CDCA2: variants seen among roughly 807,000 people sequenced by gnomAD.
CDCA2 encodes the protein cell division cycle-associated protein 2.
A neutral mutation model predicts 67.0 loss-of-function variants in CDCA2; 44 were observed. That is an observed-to-expected ratio of 0.66 (90% CI 0.52 to 0.84). The LOEUF (loss-of-function observed/expected upper bound fraction) is 0.84. Among genes scored for constraint, CDCA2 ranks in the 40% least tolerant of loss-of-function variants. The probability of loss-of-function intolerance (pLI) is 0.00; values close to 1 mark genes in which losing one functional copy is unlikely to be tolerated. For missense variants in CDCA2, 1,253 were observed against 1,203.2 expected (o/e 1.04, Z -0.61); for synonymous variants, 447 against 418.7 (o/e 1.07, Z -0.82).
intron 12 of CDCA2, among the ~76,000 whole-genome samples, chr8:25,487,551 C>T (rs1288631361): frequency 1.3e-5 from 2 of 152,062 alleles, no homozygotes; most frequent in Admixed American, 1.3e-4. Flanking sequence ...ACCATTCTGG[C>T]TAACACGGTA....
At chr8:25,468,767 A>G (rs903003339) in intron 6 of CDCA2, among the ~76,000 whole-genome samples, 2 of 152,022 alleles carry the variant, frequency 1.3e-5, no homozygotes, top group Admixed American at 1.3e-4. Flanking sequence ...TATTTTTTCT[A>G]CTGGGGAGCA....
At chr8:25,472,792 T>C (rs1803209542) in intron 7 of CDCA2, among the ~76,000 whole-genome samples, 1 of 152,206 alleles carries the variant, frequency 6.6e-6, no homozygotes. Context: ...ATTTATACAA[T>C]GTGGCATTAT....
At chr8:25,483,345 GACGTC>G in intron 8 of CDCA2, 49 bp from the exon 9 acceptor site, 9 of 1,154,666 alleles carry the variant, frequency 7.8e-6, no homozygotes, top group Non-Finnish European at 1.1e-5. Context: ...TCTTAATGAT[GACGTC>G]TATGTATTTC....
intron 5 of CDCA2, among the ~76,000 whole-genome samples, chr8:25,467,973 C>A (rs1802981938): frequency 6.6e-6 from 1 of 151,658 alleles, no homozygotes; most frequent in Non-Finnish European, 1.5e-5. Flanking sequence ...CGAAGATTAG[C>A]CAGGCATGGT....
intron 7 of CDCA2, among the ~76,000 whole-genome samples, chr8:25,473,750 A>G (rs1180289861): frequency 1.3e-5 from 2 of 152,162 alleles, no homozygotes; most frequent in African/African-American, 4.8e-5. Flanking sequence ...AAGCCAGACT[A>G]TTTCTGATAC....
intron 7 of CDCA2, among the ~76,000 whole-genome samples, chr8:25,477,208 A>G (rs910513768): frequency 2.6e-5 from 4 of 152,164 alleles, no homozygotes; most frequent in Non-Finnish European, 4.4e-5. Context: ...TAGCAGCACT[A>G]TGGACGGATA....
intron 13 of CDCA2, among the ~76,000 whole-genome samples, chr8:25,498,948 AC>A (rs1237391366): frequency 6.6e-6 from 1 of 152,106 alleles, no homozygotes; most frequent in Non-Finnish European, 1.5e-5. Context: ...AGAACCTTTA[AC>A]TCTTCAAGAC....
In CDCA2 at chr8:25,507,061, G is replaced by A. The variant is rs1804710813; in HGVS notation, c.2395G>A (p.Glu799Lys). The change falls in exon 15 of 15, where the codon GAA becomes AAA. Residue 799 changes from glutamate (E) to lysine (K), a missense_variant. Coordinates refer to ENST00000330560, the MANE Select transcript of CDCA2 (RefSeq NM_152562.4). ...DCHCLGDVLI[E>K]NTKESKSQSE... ...TCATTGTTTAGGAGATGTCTTAATT[G>A]AAAATACGAAAGAATCTAAAAGCCA... 1 of 1,613,792 alleles carries A rather than the reference G, an allele frequency of 6.2e-7. No homozygotes were observed. The highest frequency in any genetic ancestry group is 1.3e-5 in the African/African-American group (1 of 74,874).
rs71214578 is a variant in CDCA2 at position 25,498,463 on chromosome 8, C to CCCCA, written c.1672-4910_1672-4909insCCCA. Among the ~76,000 whole-genome samples the CCCCA allele has an allele frequency of 2.4e-5, 3 of 125,752 alleles. 1 individual carries two copies. The East Asian group carries it at 8.6e-4, about 36-fold the overall frequency. The allele number at this position is 125,752 out of a possible 152,430, so 82.5% of individuals were successfully genotyped here. A position where few individuals can be genotyped will look rare whatever the true frequency, so the allele number is the denominator to read the frequency against. On this transcript the variant is annotated intron_variant, in intron 13 of 14. Transcript: ENST00000330560. Reference sequence around the variant, plus strand: ...CCTCAGGTAATCTGCACCCCCCCCCCGCCCCCCAGGCCTCCCAAAGTGCTG... The same window carrying CCCCA: ...CCTCAGGTAATCTGCACCCCCCCCCCCCCAGCCCCCCAGGCCTCCCAAAGTGCTG...
At position 25,506,814 on chromosome 8, in the gene CDCA2, T is replaced by C; in HGVS notation, c.2148T>C (p.Ser716=). The change falls in exon 15 of 15, where the codon TCT becomes TCC. Residue 716 remains serine (S), a synonymous_variant. Coordinates refer to ENST00000330560, the MANE Select transcript of CDCA2 (RefSeq NM_152562.4). ...CTGACAGTCCTGTTTCTTGTGCTTCTGTAACTGAAGAACGTGTGGCATCAG... is the reference window on the plus strand; with the variant it reads ...CTGACAGTCCTGTTTCTTGTGCTTCCGTAACTGAAGAACGTGTGGCATCAG... The part of the protein sequence containing the change: ...AGTDSPVSCA[S]VTEERVASDS... 6.2e-7 allele frequency: 1 copy of C among 1,614,104 alleles called. No homozygotes were observed. The highest frequency in any genetic ancestry group is 8.5e-7 in the Non-Finnish European group (1 of 1,180,010).
chr8:25,503,909 G>A (rs1391503915), intron 14 of CDCA2, among the ~76,000 whole-genome samples: 2 of 152,010 alleles, frequency 1.3e-5, no homozygotes, highest in African/African-American at 2.4e-5. Context: ...GAAAGTGAAC[G>A]AGAGCTGGGG....
chr8:25,476,540 G>A (rs992790370), intron 7 of CDCA2, among the ~76,000 whole-genome samples: 2 of 151,646 alleles, frequency 1.3e-5, no homozygotes. Context: ...TCTTACCTAG[G>A]GCCAGCCTCT....
At chr8:25,471,789 T>C (rs1488170095) in intron 7 of CDCA2, among the ~76,000 whole-genome samples, 1 of 152,228 alleles carries the variant, frequency 6.6e-6, no homozygotes, top group Non-Finnish European at 1.5e-5. Flanking sequence ...CACCTCACTC[T>C]ACAATGTGAA....
intron 13 of CDCA2, among the ~76,000 whole-genome samples, chr8:25,495,779 A>C (rs938990486): frequency 1.5e-4 from 23 of 152,332 alleles, no homozygotes; most frequent in African/African-American, 5.5e-4. Context: ...AAACAGTATG[A>C]AACACTCAAT....
chr8:25,507,809 C>T lies in CDCA2; in HGVS notation c.*71C>T. 6.8e-7 allele frequency: 1 copy of T among 1,463,218 alleles called. No homozygotes were observed. The highest frequency in any genetic ancestry group is 9.0e-7 in the Non-Finnish European group (1 of 1,106,388). The allele number at this position is 1,463,218 out of a possible 1,614,324, so 90.6% of individuals were successfully genotyped here. A position where few individuals can be genotyped will look rare whatever the true frequency, so the allele number is the denominator to read the frequency against. On this transcript the variant is annotated 3_prime_UTR_variant, in exon 15 of 15. Coordinates refer to ENST00000330560, the MANE Select transcript of CDCA2 (RefSeq NM_152562.4). ...TATGCTGAAATGATCTGTCTAGTTC[C>T]CATTCTCTGTTCAACCTCAGTGTTT...
intron 1 of CDCA2, 109 bp from the exon 2 acceptor site, chr8:25,460,131 C>A: frequency 1.9e-6 from 2 of 1,034,536 alleles, no homozygotes; most frequent in South Asian, 1.3e-5. Flanking sequence ...ACGTGTGTTT[C>A]TATGCCAGTA....
At chr8:25,459,853 A>G (rs1390596253) in intron 1 of CDCA2, among the ~76,000 whole-genome samples, 1 of 152,174 alleles carries the variant, frequency 6.6e-6, no homozygotes, top group Non-Finnish European at 1.5e-5. Flanking sequence ...GGAGATGGTT[A>G]ATAGGTAGAA....
At chr8:25,495,883 T>TC (rs1219516084) in intron 13 of CDCA2, among the ~76,000 whole-genome samples, 3 of 152,186 alleles carry the variant, frequency 2.0e-5, no homozygotes, top group Non-Finnish European at 4.4e-5. Context: ...TATTTTTAAA[T>TC]CCAACAAATT....
chr8:25,474,345 T>C (rs893843306), intron 7 of CDCA2, among the ~76,000 whole-genome samples: 2 of 152,214 alleles, frequency 1.3e-5, no homozygotes, highest in Non-Finnish European at 2.9e-5. Flanking sequence ...TGAAAGTGTT[T>C]GAGAAAACTT....
Sources: allele counts gnomAD v4.1 joint callset (sites outside exome capture counted in the v4.1 genomes callset), GRCh38; gene constraint gnomAD v4.1.1; transcripts MANE v1.5; gene names NCBI Gene and HGNC (gene_info 2026-07-23, HGNC 2026-07-21).